The following SH3GL2 variants were observed in gnomAD, a reference collection of about 807,000 sequenced individuals.
The protein encoded by SH3GL2 is endophilin-A1.
Under a neutral mutation model 46.0 loss-of-function variants are expected in SH3GL2, and 24 were observed. The ratio of observed to expected loss-of-function variants is 0.52; its 90% CI spans 0.38 to 0.73. The LOEUF is 0.73. Ranked by LOEUF, SH3GL2 falls within the 30% of genes least tolerant of loss-of-function variation. The pLI is 0.00. For synonymous variants in SH3GL2, 196 were observed against 147.1 expected, an observed-to-expected ratio of 1.33 and a Z score of -2.40; for missense variants, 413 against 424.2, an observed-to-expected ratio of 0.97 and a Z score of 0.23.
intron 1 of SH3GL2, among the ~76,000 whole-genome samples, chr9:17,689,221 T>C (rs1303975980): frequency 1.3e-5 from 2 of 151,978 alleles, no homozygotes; most frequent in Non-Finnish European, 2.9e-5. Context: ...ATATACCTGA[T>C]CAGTACTCCT....
intron 1 of SH3GL2, among the ~76,000 whole-genome samples, chr9:17,672,251 A>G (rs746598253): frequency 6.6e-6 from 1 of 152,172 alleles, no homozygotes; most frequent in Non-Finnish European, 1.5e-5. Context: ...GGAGCAGGAA[A>G]GGAAAATTTT....
chr9:17,616,389 A>G (rs1011693921), intron 1 of SH3GL2, among the ~76,000 whole-genome samples: 1 of 152,170 alleles, frequency 6.6e-6, no homozygotes, highest in African/African-American at 2.4e-5. Context: ...CTAGCTAATT[A>G]CTTCTATTGG....
At chr9:17,590,352 G>T (rs555125540) in intron 1 of SH3GL2, 1 of 152,250 alleles carries the variant, frequency 6.6e-6, no homozygotes, top group East Asian at 1.9e-4. Context: ...CATCAGTACT[G>T]TAGTTAAGAG....
intron 1 of SH3GL2, among the ~76,000 whole-genome samples, chr9:17,697,197 T>C (rs981297225): frequency 6.6e-6 from 1 of 152,052 alleles, no homozygotes; most frequent in Admixed American, 6.6e-5. Context: ...GCTTTGCACC[T>C]TCAACTTGAG....
At position 17,579,787 on chromosome 9, in the gene SH3GL2, C is replaced by T. The variant is rs958851759; in HGVS notation, c.45+500C>T. 7.2e-5 allele frequency among the ~76,000 whole-genome samples: 11 copies of T among 152,262 alleles called. No homozygotes were observed. In the East Asian group the frequency reaches 1.2e-3, roughly 16 times the overall value. On this transcript the variant is annotated intron_variant, in intron 1 of 8. Coordinates refer to ENST00000380607, the MANE Select transcript of SH3GL2 (RefSeq NM_003026.5). The stretch of plus-strand genomic sequence containing the variant: ...CCTCTCCCTTACCCTGTTGTCAGAA[C>T]CCTCCTTCCCCGCCGCCCGCAGGCT...
intron 1 of SH3GL2, among the ~76,000 whole-genome samples, chr9:17,722,068 A>G (rs57799581): frequency 0.029 from 4,467 of 152,144 alleles, 84 homozygotes; most frequent in African/African-American, 0.047. Flanking sequence ...ACTTGTAAGT[A>G]CAATTTGTAA....
intron 1 of SH3GL2, among the ~76,000 whole-genome samples, chr9:17,636,698 C>G (rs752068550): frequency 6.6e-6 from 1 of 152,076 alleles, no homozygotes; most frequent in African/African-American, 2.4e-5. Flanking sequence ...TTATATTATT[C>G]TTGGAAATGA....
chr9:17,658,133 T>C (rs750082963), intron 1 of SH3GL2, among the ~76,000 whole-genome samples: 4 of 152,210 alleles, frequency 2.6e-5, no homozygotes, highest in Non-Finnish European at 5.9e-5. Flanking sequence ...AATATACTCT[T>C]CTTTAGTTGC....
chr9:17,754,841 C>G (rs1362889493), intron 2 of SH3GL2, among the ~76,000 whole-genome samples: 1 of 152,078 alleles, frequency 6.6e-6, no homozygotes, highest in Non-Finnish European at 1.5e-5. Flanking sequence ...ATTTTGTATC[C>G]TGAGACTTTG....
intron 1 of SH3GL2, among the ~76,000 whole-genome samples, chr9:17,719,919 T>G (rs1821850425): frequency 6.6e-6 from 1 of 151,606 alleles, no homozygotes; most frequent in Non-Finnish European, 1.5e-5. Flanking sequence ...AAACTATAAA[T>G]TATATATTAT....
intron 1 of SH3GL2, among the ~76,000 whole-genome samples, chr9:17,704,046 AG>A (rs2118223342): frequency 6.6e-6 from 1 of 152,208 alleles, no homozygotes; most frequent in South Asian, 2.1e-4. Context: ...AAAATCCCAT[AG>A]TCTCTGCCAG....
intron 1 of SH3GL2, among the ~76,000 whole-genome samples, chr9:17,623,705 TACACACACACACAC>T (rs10660392): frequency 6.1e-5 from 9 of 147,796 alleles, no homozygotes; most frequent in South Asian, 2.2e-4. Context: ...TATAATTTCC[TACACACACACACAC>T]ACACACACAC....
At position 17,683,926 on chromosome 9, in the gene SH3GL2, A is replaced by G. The variant is rs556072060; in HGVS notation, c.46-63140A>G. On this transcript the variant is annotated intron_variant, in intron 1 of 8. Transcript: ENST00000380607. Reference sequence around the variant, plus strand: ...AACTCCTGACTCCTGACTAAATTGAATCAACTCCCCACACTTAAGATTAGC... The same window carrying G: ...AACTCCTGACTCCTGACTAAATTGAGTCAACTCCCCACACTTAAGATTAGC... 3.7e-4 allele frequency among the ~76,000 whole-genome samples: 57 copies of G among 152,198 alleles called. 1 individual carries two copies. The highest frequency in any genetic ancestry group is 1.4e-3 in the African/African-American group (57 of 41,544).
intron 1 of SH3GL2, among the ~76,000 whole-genome samples, chr9:17,633,574 C>T (rs1023324998): frequency 6.6e-6 from 1 of 152,040 alleles, no homozygotes; most frequent in Non-Finnish European, 1.5e-5. Context: ...CTTTTTTGCA[C>T]CAACGTGTTC....
At chr9:17,766,261 T>C (rs72717222) in intron 3 of SH3GL2, among the ~76,000 whole-genome samples, 1 of 152,294 alleles carries the variant, frequency 6.6e-6, no homozygotes, top group Non-Finnish European at 1.5e-5. Flanking sequence ...GGGTGGGCTT[T>C]CGAGAACGCA....
At chr9:17,653,929 A>T in intron 1 of SH3GL2, 1 of 822,494 alleles carries the variant, frequency 1.2e-6, no homozygotes, top group Non-Finnish European at 1.5e-6. Context: ...CACATCTGTA[A>T]CAAAAGAAAT....
intron 1 of SH3GL2, among the ~76,000 whole-genome samples, chr9:17,596,966 T>G (rs986103099): frequency 2.0e-5 from 3 of 152,148 alleles, no homozygotes; most frequent in Admixed American, 2.0e-4. Flanking sequence ...TTTGATGGCT[T>G]CAATGGCAAG....
chr9:17,732,890 C>G (rs1197140470), intron 1 of SH3GL2, among the ~76,000 whole-genome samples: 3 of 152,078 alleles, frequency 2.0e-5, no homozygotes, highest in East Asian at 3.9e-4. Context: ...CAAATAGATC[C>G]TTTCCTGGGA....
At chr9:17,614,421 G>C (rs1371631812) in intron 1 of SH3GL2, among the ~76,000 whole-genome samples, 1 of 151,610 alleles carries the variant, frequency 6.6e-6, no homozygotes. Flanking sequence ...CTTGTGTCAA[G>C]GAAATTGACT....
Sources: gnomAD v4.1 joint callset for allele counts (sites outside exome capture counted in the v4.1 genomes callset) on GRCh38, gnomAD v4.1.1 for gene constraint, MANE v1.5 for transcripts, NCBI Gene and HGNC (gene_info 2026-07-23, HGNC 2026-07-21) for gene names.